The following ADAMTS17 variants were observed in gnomAD, a reference collection of about 807,000 sequenced individuals.
The protein encoded by ADAMTS17 is ADAM metallopeptidase with thrombospondin type 1 motif 17, also known as A disintegrin and metalloproteinase with thrombospondin motifs 17.
Under a neutral mutation model 141.5 loss-of-function variants are expected in ADAMTS17, and 113 were observed. That is an observed-to-expected ratio of 0.80 (90% CI 0.69 to 0.93). ADAMTS17 has a LOEUF of 0.93. Among genes scored for constraint, ADAMTS17 ranks in the 40% least tolerant of loss-of-function variants. The pLI is 0.00. For synonymous variants in ADAMTS17, 768 were observed against 630.6 expected, an observed-to-expected ratio of 1.22 and a Z score of -3.27; for missense variants, 1,659 against 1,517.9, an observed-to-expected ratio of 1.09 and a Z score of -1.54.
chr15:100,073,540 TA>T (rs1481401520), intron 15 of ADAMTS17, among the ~76,000 whole-genome samples: 1 of 151,772 alleles, frequency 6.6e-6, no homozygotes, highest in South Asian at 2.1e-4. Context: ...TAGACTGGAT[TA>T]AAAAAATGTG....
chr15:100,335,697 A>C lies in ADAMTS17; in HGVS notation c.451-4643T>G, dbSNP rs533009526. ...AGAAGCGGCCTGTTTTTAATGCCTT[A>C]ATGTGCCAGGCTCTCACTAAATGAT... is the stretch of plus-strand genomic sequence containing the variant. On this transcript the variant is annotated intron_variant, in intron 2 of 21. Transcript: ENST00000268070. 4.6e-5 allele frequency among the ~76,000 whole-genome samples: 7 copies of C among 152,354 alleles called. No individual in the cohort carries two copies. The East Asian group carries it at 1.4e-3, about 29-fold the overall frequency.
chr15:100,085,464 C>A (rs956721097), intron 15 of ADAMTS17, among the ~76,000 whole-genome samples: 31 of 149,696 alleles, frequency 2.1e-4, no homozygotes, highest in Non-Finnish European at 4.1e-4. Flanking sequence ...CAAGGCAGGC[C>A]AACACTCAAA....
chr15:100,161,824 C>T lies in ADAMTS17; in HGVS notation c.1182-6504G>A, dbSNP rs764081525. Among the ~76,000 whole-genome samples the T allele has an allele frequency of 4.5e-4, 68 of 152,196 alleles. 1 individual carries two copies. Among genetic ancestry groups the T allele is most frequent in the Non-Finnish European group, 1.2e-4 (8 of 68,024 alleles). ...GGTCAATTTCCATGATCATCAATAA[C>T]CCCCTTTACGGAGAACAAAACAAAT... On this transcript the variant is annotated intron_variant, in intron 8 of 21. Transcript: ENST00000268070.
At chr15:100,021,948 C>T (rs1238243623) in intron 18 of ADAMTS17, among the ~76,000 whole-genome samples, 1 of 152,166 alleles carries the variant, frequency 6.6e-6, no homozygotes, top group Non-Finnish European at 1.5e-5. Flanking sequence ...ACTGCTGGCT[C>T]ATCTGAGGCT....
At chr15:100,199,212 C>G in intron 8 of ADAMTS17, 106 bp downstream of exon 8, 1 of 1,094,476 alleles carries the variant, frequency 9.1e-7, no homozygotes, top group Admixed American at 1.7e-5. Flanking sequence ...GCAGATGCAG[C>G]AAAGGCATAG....
At position 100,047,671 on chromosome 15, in the gene ADAMTS17, C is replaced by T. The variant is rs138829778; in HGVS notation, c.2591+1186G>A. On this transcript the variant is annotated intron_variant, in intron 18 of 21. Transcript: ENST00000268070. ...TGAGCTCATGCTGACCTCTCCTCCT[C>T]CATCGTCTCTTACCCTATTTTCTAA... Among the ~76,000 whole-genome samples the T allele has an allele frequency of 3.3e-5, 5 of 152,290 alleles. No homozygotes were observed. The East Asian group carries it at 9.7e-4, about 29-fold the overall frequency.
intron 3 of ADAMTS17, among the ~76,000 whole-genome samples, chr15:100,314,573 T>C (rs2141874471): frequency 6.6e-6 from 1 of 152,302 alleles, no homozygotes; most frequent in East Asian, 1.9e-4. Context: ...ACCAAAGCTC[T>C]TTGCTACTAC....
chr15:100,221,996 T>A (rs1596308930), intron 7 of ADAMTS17, among the ~76,000 whole-genome samples: 3 of 152,320 alleles, frequency 2.0e-5, no homozygotes, highest in African/African-American at 7.2e-5. Flanking sequence ...GCACACAGTC[T>A]GTGACCCAGT....
At chr15:100,215,718 G>A (rs2041949616) in intron 7 of ADAMTS17, among the ~76,000 whole-genome samples, 1 of 152,062 alleles carries the variant, frequency 6.6e-6, no homozygotes, top group African/African-American at 2.4e-5. Context: ...GGGCTGCTCT[G>A]TAGGTAAGGG....
chr15:100,196,343 T>C (rs1319937543), intron 8 of ADAMTS17, among the ~76,000 whole-genome samples: 1 of 152,242 alleles, frequency 6.6e-6, no homozygotes, highest in East Asian at 1.9e-4. Flanking sequence ...TAGCTTTGTG[T>C]TTTCTGACAG....
chr15:100,220,317 C>G (rs1003023229), intron 7 of ADAMTS17, among the ~76,000 whole-genome samples: 1 of 152,170 alleles, frequency 6.6e-6, no homozygotes, highest in African/African-American at 2.4e-5. Flanking sequence ...TAAATCCATC[C>G]TAAGTGGGGT....
chr15:100,248,802 AT>A (rs56163057), intron 7 of ADAMTS17, among the ~76,000 whole-genome samples: 7,998 of 141,510 alleles, frequency 0.057, 330 homozygotes, highest in African/African-American at 0.12. Flanking sequence ...TCTGGTGTTA[AT>A]TTTTTTTTTT....
chr15:100,061,115 G>C (rs543844497), intron 15 of ADAMTS17, among the ~76,000 whole-genome samples: 4 of 152,298 alleles, frequency 2.6e-5, no homozygotes, highest in African/African-American at 9.6e-5. Flanking sequence ...ATCTCCGTGG[G>C]ATGCAGGTTT....
At chr15:100,166,674 C>G (rs763808808) in intron 8 of ADAMTS17, among the ~76,000 whole-genome samples, 6 of 152,152 alleles carry the variant, frequency 3.9e-5, no homozygotes, top group Non-Finnish European at 8.8e-5. Flanking sequence ...AGCAAGGTTC[C>G]TAAACTCCTG....
chr15:100,123,983 G>A (rs1237870565), intron 12 of ADAMTS17, among the ~76,000 whole-genome samples: 2 of 121,780 alleles, frequency 1.6e-5, no homozygotes, highest in Non-Finnish European at 3.5e-5. Flanking sequence ...TTTTTTTTTT[G>A]GACAGAGTCT....
At chr15:100,153,404 G>C (rs1261657528) in intron 9 of ADAMTS17, among the ~76,000 whole-genome samples, 1 of 152,142 alleles carries the variant, frequency 6.6e-6, no homozygotes, top group Non-Finnish European at 1.5e-5. Context: ...ACTTTGGGAG[G>C]CTGAGGTGGG....
At chr15:100,169,430 G>A (rs1251841299) in intron 8 of ADAMTS17, among the ~76,000 whole-genome samples, 1 of 152,212 alleles carries the variant, frequency 6.6e-6, no homozygotes, top group Non-Finnish European at 1.5e-5. Flanking sequence ...ACCTGGGAAA[G>A]AGAACTGTTT....
At chr15:100,331,397 C>T (rs1452831244) in intron 2 of ADAMTS17, among the ~76,000 whole-genome samples, 1 of 152,022 alleles carries the variant, frequency 6.6e-6, no homozygotes, top group Non-Finnish European at 1.5e-5. Context: ...CCCAAAAGTC[C>T]ACCTGGGAGG....
At chr15:100,225,635 T>G (rs1016107513) in intron 7 of ADAMTS17, among the ~76,000 whole-genome samples, 60 of 148,628 alleles carry the variant, frequency 4.0e-4, no homozygotes, top group African/African-American at 1.5e-3. Context: ...TCTGTGCCAT[T>G]CAGTCCTTAC....
Sources: allele counts gnomAD v4.1 joint callset (sites outside exome capture counted in the v4.1 genomes callset), GRCh38; gene constraint gnomAD v4.1.1; transcripts MANE v1.5; gene names NCBI Gene and HGNC (gene_info 2026-07-23, HGNC 2026-07-21).